Variants in LTBP1 observed in about 807,000 individuals in gnomAD.
LTBP1 encodes latent transforming growth factor beta binding protein 1.
A neutral mutation model predicts 207.6 loss-of-function variants in LTBP1; 129 were observed. That is an observed-to-expected ratio of 0.62 (90% CI 0.54 to 0.72). The LOEUF is 0.72. Ranked by LOEUF, LTBP1 falls within the 30% of genes least tolerant of loss-of-function variation. LTBP1 has a pLI of 0.00. For synonymous variants in LTBP1, 963 were observed against 833.7 expected (o/e 1.16, Z -2.67); for missense variants, 2,281 against 2,217.2 (o/e 1.03, Z -0.58).
chr2:33,376,971 G>T (rs1025057009), intron 31 of LTBP1, among the ~76,000 whole-genome samples: 16 of 152,134 alleles, frequency 1.1e-4, no homozygotes, highest in African/African-American at 3.9e-4. Context: ...AAATAACCAT[G>T]TTTGGGCAGG....
intron 2 of LTBP1, among the ~76,000 whole-genome samples, chr2:32,962,215 A>T (rs1456245566): frequency 6.6e-6 from 1 of 152,168 alleles, no homozygotes; most frequent in East Asian, 1.9e-4. Context: ...TTTGAAAATA[A>T]ACAAAAACAC....
chr2:33,260,555 G>T (rs2092982932), intron 13 of LTBP1, among the ~76,000 whole-genome samples: 2 of 152,146 alleles, frequency 1.3e-5, no homozygotes, highest in Admixed American at 6.5e-5. Context: ...TTATGGGATA[G>T]AGTAACATAT....
chr2:33,282,236 G>A (rs949095258), intron 19 of LTBP1, among the ~76,000 whole-genome samples: 8 of 151,892 alleles, frequency 5.3e-5, no homozygotes, highest in South Asian at 2.1e-4. Context: ...TTGTTTTTGC[G>A]TTGCTGAGGT....
intron 5 of LTBP1, among the ~76,000 whole-genome samples, chr2:33,139,666 G>A (rs750140623): frequency 1.1e-4 from 16 of 152,202 alleles, no homozygotes; most frequent in Non-Finnish European, 2.2e-4. Context: ...GAAGGGAGAC[G>A]TGGAACTTGA....
rs2075628146 is a variant in LTBP1 at position 33,030,232 on chromosome 2, C to G, written c.863+9026C>G. Reference sequence around the variant, plus strand: ...ATATTTCTAGGAAGGATGTTCTTAACTCAGACGGGAAGAAGACATAGACAT... The same window carrying G: ...ATATTTCTAGGAAGGATGTTCTTAAGTCAGACGGGAAGAAGACATAGACAT... On this transcript the variant is annotated intron_variant, in intron 3 of 33. Transcript: ENST00000404816. Among the ~76,000 whole-genome samples, 6 of 152,146 alleles carry G rather than the reference C, an allele frequency of 3.9e-5. No individual in the cohort carries two copies. The South Asian group carries it at 1.2e-3, about 32-fold the overall frequency.
intron 31 of LTBP1, among the ~76,000 whole-genome samples, chr2:33,378,172 C>CATAT (rs541050492): frequency 5.6e-5 from 8 of 143,930 alleles, no homozygotes; most frequent in African/African-American, 2.6e-5. Context: ...ATTTTACTTT[C>CATAT]ATATATATAT....
At chr2:33,346,510 C>A (rs982778121) in intron 25 of LTBP1, among the ~76,000 whole-genome samples, 5 of 151,634 alleles carry the variant, frequency 3.3e-5, no homozygotes, top group African/African-American at 1.2e-4. Flanking sequence ...ATGGTGAAAT[C>A]CTGTCTCTAC....
intron 5 of LTBP1, among the ~76,000 whole-genome samples, chr2:33,158,555 G>A (rs2084197184): frequency 6.6e-6 from 1 of 152,138 alleles, no homozygotes; most frequent in Non-Finnish European, 1.5e-5. Flanking sequence ...GTTAATTCCT[G>A]GAGGGGGTCC....
chr2:33,309,569 C>T lies in LTBP1; in HGVS notation c.3604+13C>T, dbSNP rs2094150545. 5 of 1,600,636 alleles carry T rather than the reference C, an allele frequency of 3.1e-6. No individual in the cohort carries two copies. Among genetic ancestry groups the T allele is most frequent in the Non-Finnish European group, 3.4e-6 (4 of 1,176,076 alleles). On this transcript the variant is annotated intron_variant, in intron 23 of 33. Transcript: ENST00000404816. ...AAAACATGTCAAGGTATTTCTTGCT[C>T]TTTTTTCCCCAGTCATTATTTACGT...
intron 3 of LTBP1, among the ~76,000 whole-genome samples, chr2:33,098,021 C>T (rs1432549847): frequency 1.3e-5 from 2 of 152,146 alleles, no homozygotes; most frequent in Non-Finnish European, 2.9e-5. Flanking sequence ...TAACTTTTTA[C>T]AGATTGGTTT....
chr2:33,137,274 T>A (rs2082219774), intron 5 of LTBP1, among the ~76,000 whole-genome samples: 1 of 152,226 alleles, frequency 6.6e-6, no homozygotes, highest in South Asian at 2.1e-4. Flanking sequence ...GAATACTAAA[T>A]CTTTTGACAA....
intron 3 of LTBP1, among the ~76,000 whole-genome samples, chr2:33,082,052 A>G (rs72793741): frequency 0.097 from 14,805 of 152,230 alleles, 960 homozygotes; most frequent in Non-Finnish European, 0.14. Context: ...GACTAATACA[A>G]TTGCCACTGC....
chr2:33,317,378 G>A lies in LTBP1; in HGVS notation c.3730+2109G>A, dbSNP rs1276934968. The stretch of plus-strand genomic sequence containing the variant: ...CATGGTAGTATAACTAGAACTCTCC[G>A]TAATTATTATGCATGTTATTCTCTT... On this transcript the variant is annotated intron_variant, in intron 24 of 33. Coordinates refer to ENST00000404816, the MANE Select transcript of LTBP1 (RefSeq NM_206943.4). 4.6e-5 allele frequency among the ~76,000 whole-genome samples: 7 copies of A among 152,292 alleles called. 1 individual carries two copies. In the South Asian group the frequency reaches 1.0e-3, roughly 23 times the overall value.
chr2:33,381,886 G>C (rs1264254771), intron 31 of LTBP1, among the ~76,000 whole-genome samples: 1 of 152,030 alleles, frequency 6.6e-6, no homozygotes, highest in African/African-American at 2.4e-5. Flanking sequence ...CTATTAAAAA[G>C]TGTAGTTTTC....
At chr2:33,113,470 A>T (rs1441825723) in intron 4 of LTBP1, among the ~76,000 whole-genome samples, 1 of 152,212 alleles carries the variant, frequency 6.6e-6, no homozygotes, top group Non-Finnish European at 1.5e-5. Context: ...TCCAGATAAA[A>T]CATTGTAGAT....
intron 3 of LTBP1, among the ~76,000 whole-genome samples, chr2:33,057,742 C>T (rs923015001): frequency 2.6e-5 from 4 of 152,230 alleles, no homozygotes; most frequent in Admixed American, 6.5e-5. Context: ...GCCAAGCCCA[C>T]GCTCACCGGG....
chr2:33,266,792 G>C (rs994582601), intron 15 of LTBP1, among the ~76,000 whole-genome samples: 1 of 152,132 alleles, frequency 6.6e-6, no homozygotes, highest in African/African-American at 2.4e-5. Context: ...TCTCCACCTT[G>C]CTCACCCTCC....
intron 19 of LTBP1, among the ~76,000 whole-genome samples, chr2:33,281,978 A>G (rs571475186): frequency 3.3e-5 from 5 of 151,812 alleles, no homozygotes; most frequent in African/African-American, 1.2e-4. Context: ...TCATGAATTT[A>G]TTAGTGGAAT....
intron 3 of LTBP1, among the ~76,000 whole-genome samples, chr2:33,053,516 C>T (rs1276972609): frequency 1.3e-5 from 2 of 152,086 alleles, no homozygotes; most frequent in African/African-American, 4.8e-5. Context: ...GCTCTCGGTG[C>T]TTCCTCGGCC....
Sources: allele counts gnomAD v4.1 joint callset (sites outside exome capture counted in the v4.1 genomes callset), GRCh38; gene constraint gnomAD v4.1.1; transcripts MANE v1.5; gene names NCBI Gene and HGNC (gene_info 2026-07-23, HGNC 2026-07-21).